PHACTR1: variants seen among roughly 807,000 people sequenced by gnomAD.
The protein encoded by PHACTR1 is phosphatase and actin regulator 1.
PHACTR1 carries 16 observed loss-of-function variants against 69.2 expected under a neutral mutation model. That is an observed-to-expected ratio of 0.23 (90% CI 0.16 to 0.35). PHACTR1 has a LOEUF of 0.35. PHACTR1 is among the 10% of genes least tolerant of loss of function. The pLI, the probability that PHACTR1 is intolerant of heterozygous loss-of-function variation, is 1.00. For synonymous variants in PHACTR1, 312 were observed against 284.5 expected, an observed-to-expected ratio of 1.10 and a Z score of -0.97; for missense variants, 510 against 734.7, an observed-to-expected ratio of 0.69 and a Z score of 3.54.
chr6:12,735,290 A>C (rs1764094080), intron 3 of PHACTR1, among the ~76,000 whole-genome samples: 2 of 152,204 alleles, frequency 1.3e-5, no homozygotes, highest in African/African-American at 4.8e-5. Flanking sequence ...CAGAAGCCAC[A>C]AGACATTTTA....
chr6:12,737,991 T>G (rs1171916393), intron 3 of PHACTR1, among the ~76,000 whole-genome samples: 1 of 152,166 alleles, frequency 6.6e-6, no homozygotes, highest in African/African-American at 2.4e-5. Flanking sequence ...GTATTTCAAT[T>G]TTGTCAGTTG....
chr6:13,193,844 C>A (rs547044949), intron 7 of PHACTR1, among the ~76,000 whole-genome samples: 1 of 151,928 alleles, frequency 6.6e-6, no homozygotes, highest in East Asian at 1.9e-4. Flanking sequence ...ATGAATGATC[C>A]TTTCATCTCT....
At chr6:13,271,009 T>A (rs1446344833) in intron 10 of PHACTR1, among the ~76,000 whole-genome samples, 3 of 139,644 alleles carry the variant, frequency 2.1e-5, no homozygotes, top group Non-Finnish European at 4.7e-5. Flanking sequence ...CATGCTTTTT[T>A]TTTTTCTTTT....
chr6:12,916,685 T>G (rs1004311890), intron 4 of PHACTR1, among the ~76,000 whole-genome samples: 3 of 152,172 alleles, frequency 2.0e-5, no homozygotes, highest in Admixed American at 6.5e-5. Context: ...TCTCTGCAGT[T>G]GGGAGAGCAA....
chr6:13,177,775 G>C (rs1761595566), intron 6 of PHACTR1, among the ~76,000 whole-genome samples: 1 of 152,182 alleles, frequency 6.6e-6, no homozygotes, highest in African/African-American at 2.4e-5. Flanking sequence ...GGAGCGGCAG[G>C]CTGGGGTATG....
At chr6:13,023,720 C>G (rs530724217) in intron 4 of PHACTR1, among the ~76,000 whole-genome samples, 2 of 152,170 alleles carry the variant, frequency 1.3e-5, no homozygotes, top group African/African-American at 4.8e-5. Flanking sequence ...AGAAAGAGTG[C>G]GGAACAAGTA....
At chr6:12,965,357 G>A (rs1488876714) in intron 4 of PHACTR1, among the ~76,000 whole-genome samples, 1 of 151,332 alleles carries the variant, frequency 6.6e-6, no homozygotes, top group African/African-American at 2.4e-5. Context: ...GCAGAGCAGC[G>A]AAAATTTGAG....
In PHACTR1 at chr6:12,783,158, GA is replaced by G. The variant is rs554725988; in HGVS notation, c.250+33370del. Among the ~76,000 whole-genome samples the G allele has an allele frequency of 4.0e-3, 604 of 152,294 alleles. 6 individuals carry two copies. Among genetic ancestry groups the G allele is most frequent in the African/African-American group, 0.014 (577 of 41,550 alleles). ...CTTGTATATGACTTGCTTAATGTCA[GA>G]ACCCTGTTTTCAAGTCACAAGTCAT... On this transcript the variant is annotated intron_variant, in intron 4 of 14. Coordinates refer to ENST00000332995, the MANE Select transcript of PHACTR1 (RefSeq NM_030948.6).
intron 4 of PHACTR1, among the ~76,000 whole-genome samples, chr6:12,802,200 G>A (rs1773787487): frequency 6.6e-6 from 1 of 151,114 alleles, no homozygotes. Flanking sequence ...TTAATAGCCA[G>A]TTAATGCCAA....
chr6:13,267,082 C>G (rs1776845333), intron 10 of PHACTR1: 1 of 152,250 alleles, frequency 6.6e-6, no homozygotes, highest in Non-Finnish European at 1.5e-5. Flanking sequence ...CATGGAAGCC[C>G]TTACTCCAGC....
chr6:12,797,057 G>GAA (rs1220484589), intron 4 of PHACTR1, among the ~76,000 whole-genome samples: 70 of 150,966 alleles, frequency 4.6e-4, no homozygotes, highest in Non-Finnish European at 1.0e-4. Context: ...GAGAGAGAGA[G>GAA]GGATATGAAT....
chr6:12,780,784 A>T (rs12197422), intron 4 of PHACTR1, among the ~76,000 whole-genome samples: 2,880 of 152,310 alleles, frequency 0.019, 33 homozygotes, highest in Non-Finnish European at 0.03. Context: ...CTAAAAACAT[A>T]CACAAAGCTT....
At chr6:12,985,528 TAAAAAAA>T (rs149850503) in intron 4 of PHACTR1, among the ~76,000 whole-genome samples, 39 of 134,900 alleles carry the variant, frequency 2.9e-4, no homozygotes, top group African/African-American at 9.9e-4. Context: ...TACTACAAAT[TAAAAAAA>T]AAAAAAATAT....
chr6:13,104,427 T>G (rs1398700124), intron 5 of PHACTR1, among the ~76,000 whole-genome samples: 1 of 152,198 alleles, frequency 6.6e-6, no homozygotes, highest in African/African-American at 2.4e-5. Flanking sequence ...TTGTTTGCTT[T>G]AAGAGAAATA....
At chr6:13,084,829 A>T (rs1362168550) in intron 5 of PHACTR1, among the ~76,000 whole-genome samples, 6 of 152,124 alleles carry the variant, frequency 3.9e-5, no homozygotes, top group Non-Finnish European at 5.9e-5. Context: ...TCAAGTAAGC[A>T]TATTAAACAT....
chr6:12,997,697 G>A lies in PHACTR1; in HGVS notation c.251-55668G>A, dbSNP rs530698271. On this transcript the variant is annotated intron_variant, in intron 4 of 14. Transcript: ENST00000332995. ...TGGCCAGGAACGGTGGCTCACGCCT[G>A]TAATCTCAGCACTTTGAGAGGCCGA... 2.0e-5 allele frequency among the ~76,000 whole-genome samples: 3 copies of A among 152,158 alleles called. No individual in the cohort carries two copies. The South Asian group carries it at 6.2e-4, about 32-fold the overall frequency.
At chr6:12,915,765 T>C (rs1189231627) in intron 4 of PHACTR1, among the ~76,000 whole-genome samples, 1 of 152,088 alleles carries the variant, frequency 6.6e-6, no homozygotes, top group Non-Finnish European at 1.5e-5. Context: ...CAGATAAATG[T>C]CTCTAGAATT....
At chr6:13,180,055 G>A (rs1379055680) in intron 6 of PHACTR1, among the ~76,000 whole-genome samples, 5 of 152,156 alleles carry the variant, frequency 3.3e-5, no homozygotes, top group African/African-American at 1.2e-4. Flanking sequence ...AGCTAGCCAA[G>A]TAAATATTGA....
chr6:13,138,956 G>C (rs1043370415), intron 5 of PHACTR1, among the ~76,000 whole-genome samples: 2 of 152,156 alleles, frequency 1.3e-5, no homozygotes, highest in African/African-American at 4.8e-5. Flanking sequence ...TCACATATAA[G>C]CTTACGTTGA....
Sources: allele counts gnomAD v4.1 joint callset (sites outside exome capture counted in the v4.1 genomes callset), GRCh38; gene constraint gnomAD v4.1.1; transcripts MANE v1.5; gene names NCBI Gene and HGNC (gene_info 2026-07-23, HGNC 2026-07-21).